FMN1: variants seen among roughly 807,000 people sequenced by gnomAD.
FMN1 encodes formin 1.
FMN1 carries 110 observed loss-of-function variants against 132.4 expected under a neutral mutation model. That is an observed-to-expected ratio of 0.83 (90% CI 0.71 to 0.97). FMN1 has a LOEUF of 0.97. FMN1 is among the 50% of genes least tolerant of loss of function. The probability of loss-of-function intolerance (pLI) is 0.00; values close to 1 mark genes in which losing one functional copy is unlikely to be tolerated. For synonymous variants in FMN1, 722 were observed against 651.7 expected (o/e 1.11, Z -1.64); for missense variants, 1,792 against 1,705.3 (o/e 1.05, Z -0.90).
intron 16 of FMN1, among the ~76,000 whole-genome samples, chr15:32,876,103 CT>C (rs1161979213): frequency 1.3e-5 from 2 of 152,162 alleles, no homozygotes; most frequent in Non-Finnish European, 2.9e-5. Context: ...TGTTAATGAA[CT>C]TGCCAAATTA....
intron 4 of FMN1, among the ~76,000 whole-genome samples, chr15:33,148,833 A>G (rs1026093683): frequency 6.6e-6 from 1 of 152,088 alleles, no homozygotes; most frequent in Non-Finnish European, 1.5e-5. Flanking sequence ...CTTTTTGAGC[A>G]TGGCTTTTAC....
chr15:33,153,085 C>T lies in FMN1; in HGVS notation c.1830G>A (p.Gly610=). 6.5e-7 allele frequency: 1 copy of T among 1,535,300 alleles called. No individual in the cohort carries two copies. The highest frequency in any genetic ancestry group is 1.2e-5 in the South Asian group (1 of 83,914). The change falls in exon 4 of 21, where the codon GGG becomes GGA. Residue 610 remains glycine, a synonymous_variant. Transcript: ENST00000616417. ...GGTGCTGGGGCTCAGCTGTGGTCTT[C>T]CCTGGCCCCAAGCTCTTTTCCAAAG... ...GETLEKSLGP[G]KTTAEPQHQS...
chr15:32,949,094 T>C (rs2061569281), intron 9 of FMN1, among the ~76,000 whole-genome samples: 1 of 152,130 alleles, frequency 6.6e-6, no homozygotes, highest in African/African-American at 2.4e-5. Context: ...ATTTTTGTTT[T>C]TTGCTAAGTG....
At chr15:32,961,662 G>A (rs912847556) in intron 9 of FMN1, among the ~76,000 whole-genome samples, 1 of 152,182 alleles carries the variant, frequency 6.6e-6, no homozygotes, top group Non-Finnish European at 1.5e-5. Flanking sequence ...CATATGTTGA[G>A]CACTGACAGT....
intron 6 of FMN1, among the ~76,000 whole-genome samples, chr15:33,044,815 C>T (rs975707540): frequency 4.6e-5 from 7 of 152,200 alleles, no homozygotes; most frequent in African/African-American, 1.4e-4. Flanking sequence ...CTGTAGGTCT[C>T]CTCTGAGCTG....
chr15:32,966,588 T>C lies in FMN1; in HGVS notation c.2987+2126A>G, dbSNP rs80346800. On this transcript the variant is annotated intron_variant, in intron 8 of 20. Transcript: ENST00000616417. ...TTCCTTAAGTGTCTCTTGCTTATTCTAGAAATCACGAAAGAGACACCCAAG... is the reference window on the plus strand; with the variant it reads ...TTCCTTAAGTGTCTCTTGCTTATTCCAGAAATCACGAAAGAGACACCCAAG... 2.4e-3 allele frequency among the ~76,000 whole-genome samples: 366 copies of C among 152,212 alleles called. 13 individuals are homozygous for C. In the East Asian group the frequency reaches 0.064, roughly 27 times the overall value.
intron 6 of FMN1, among the ~76,000 whole-genome samples, chr15:33,025,633 C>T (rs552408392): frequency 6.6e-5 from 10 of 152,106 alleles, no homozygotes; most frequent in Non-Finnish European, 1.5e-4. Context: ...AATTATGCGG[C>T]GTTTGTTCTA....
At chr15:32,946,463 C>G (rs1156883915) in intron 9 of FMN1, among the ~76,000 whole-genome samples, 1 of 152,130 alleles carries the variant, frequency 6.6e-6, no homozygotes, top group African/African-American at 2.4e-5. Context: ...GTCCTGTGGC[C>G]TCTCCCTTGA....
At chr15:32,999,720 C>A (rs2033984338) in intron 7 of FMN1, among the ~76,000 whole-genome samples, 1 of 152,210 alleles carries the variant, frequency 6.6e-6, no homozygotes, top group Non-Finnish European at 1.5e-5. Context: ...TTGCATCCCA[C>A]AACCCAAAGA....
intron 7 of FMN1, among the ~76,000 whole-genome samples, chr15:32,979,555 C>CAAA (rs66993265): frequency 4.5e-4 from 26 of 57,460 alleles, no homozygotes; most frequent in African/African-American, 1.0e-3. Context: ...GACTCTGTCT[C>CAAA]AAAAAAAAAA....
chr15:33,192,480 A>C (rs1966113257), intron 2 of FMN1, among the ~76,000 whole-genome samples: 2 of 152,252 alleles, frequency 1.3e-5, no homozygotes, highest in Non-Finnish European at 2.9e-5. Context: ...TGCATTGAAC[A>C]CTCAGTGAGA....
At chr15:32,785,196 GTGTGTATATATA>G (rs2056822862) in intron 19 of FMN1, among the ~76,000 whole-genome samples, 1 of 25,838 alleles carries the variant, frequency 3.9e-5, no homozygotes, top group African/African-American at 1.4e-4. Context: ...GTGTGTGTGT[GTGTGTATATATA>G]TATATATATA....
At chr15:33,066,256 G>A (rs546535652) in intron 5 of FMN1, among the ~76,000 whole-genome samples, 14 of 152,244 alleles carry the variant, frequency 9.2e-5, no homozygotes, top group South Asian at 8.3e-4. Context: ...TTAAATTCAC[G>A]GTGACAGTTA....
intron 17 of FMN1, among the ~76,000 whole-genome samples, chr15:32,818,824 G>A (rs924335983): frequency 6.6e-6 from 1 of 151,894 alleles, no homozygotes; most frequent in Admixed American, 6.6e-5. Flanking sequence ...AATCTGAGAG[G>A]GTAAAATGTT....
chr15:33,017,388 G>C (rs345831), intron 6 of FMN1, among the ~76,000 whole-genome samples: 4 of 152,064 alleles, frequency 2.6e-5, no homozygotes, highest in East Asian at 1.9e-4. Flanking sequence ...CTAAGGGAAA[G>C]TGTGGTATGT....
At chr15:32,785,548 T>G (rs2056849017) in intron 19 of FMN1, among the ~76,000 whole-genome samples, 1 of 152,078 alleles carries the variant, frequency 6.6e-6, no homozygotes, top group Non-Finnish European at 1.5e-5. Flanking sequence ...GGGTGATATG[T>G]TAGAAATTCT....
Position 32,921,523 on chromosome 15 carries a change from T to C in FMN1, c.3226+4651A>G, listed in dbSNP as rs142727089. 1.9e-4 allele frequency among the ~76,000 whole-genome samples: 29 copies of C among 152,294 alleles called. No individual in the cohort carries two copies. The East Asian group carries it at 3.7e-3, about 19-fold the overall frequency. On this transcript the variant is annotated intron_variant, in intron 10 of 20. Transcript: ENST00000616417. Reference sequence around the variant, plus strand: ...GATCACAACATGGCCCTTCTTAGATTTCTTGTCCCCATTACTGATGCAATA... The same window carrying C: ...GATCACAACATGGCCCTTCTTAGATCTCTTGTCCCCATTACTGATGCAATA...
intron 17 of FMN1, among the ~76,000 whole-genome samples, chr15:32,841,637 G>A (rs2058747614): frequency 6.6e-6 from 1 of 152,138 alleles, no homozygotes; most frequent in African/African-American, 2.4e-5. Context: ...GTTTCAGTAG[G>A]CATGTAACAT....
intron 16 of FMN1, among the ~76,000 whole-genome samples, chr15:32,862,978 G>A (rs949022805): frequency 2.0e-5 from 3 of 152,206 alleles, no homozygotes; most frequent in Admixed American, 2.0e-4. Context: ...CAAGCTCCCT[G>A]CTCAAAGGAC....
Sources: gnomAD v4.1 joint callset for allele counts (sites outside exome capture counted in the v4.1 genomes callset) on GRCh38, gnomAD v4.1.1 for gene constraint, MANE v1.5 for transcripts, NCBI Gene and HGNC (gene_info 2026-07-23, HGNC 2026-07-21) for gene names.